Variants in BICRA observed in about 807,000 individuals in gnomAD.
The protein encoded by BICRA is BRD4-interacting chromatin-remodeling complex-associated protein.
BICRA carries 31 observed loss-of-function variants against 96.9 expected under a neutral mutation model. The ratio of observed to expected loss-of-function variants is 0.32; its 90% CI spans 0.24 to 0.43. The LOEUF (loss-of-function observed/expected upper bound fraction) is 0.43, where lower values mean the gene tolerates loss of function less well. Ranked by LOEUF, BICRA falls within the 20% of genes least tolerant of loss-of-function variation. The pLI, the probability that BICRA is intolerant of heterozygous loss-of-function variation, is 1.00. For missense variants in BICRA, 2,283 were observed against 2,190.3 expected (o/e 1.04, Z -0.84); for synonymous variants, 1,350 against 1,071.8 (o/e 1.26, Z -5.07).
rs1433149793 is a variant in BICRA at position 47,680,959 on chromosome 19, A to G, written c.1789A>G (p.Asn597Asp). 3.4e-6 allele frequency: 5 copies of G among 1,477,806 alleles called. No individual in the cohort carries two copies. The highest frequency in any genetic ancestry group is 4.4e-6 in the Non-Finnish European group (5 of 1,124,118). The allele number at this position is 1,477,806 out of a possible 1,614,324, so 91.5% of individuals were successfully genotyped here. A position where few individuals can be genotyped will look rare whatever the true frequency, so the allele number is the denominator to read the frequency against. Residue 597 changes from asparagine to aspartate, a missense_variant, in exon 6 of 15, where the codon AAC becomes GAC. Asn to Asp is a conservative substitution (Grantham distance 23). Transcript: ENST00000594866. The stretch of plus-strand genomic sequence containing the variant: ...GCCCCCCAGCGCCGTGGCCATGCTC[A>G]ACACCCCCGACGGCCTGGTGCAGCC... Reference protein sequence around the residue: ...TLPPSAVAMLNTPDGLVQPAT... With the variant: ...TLPPSAVAMLDTPDGLVQPAT...
At chr19:47,634,584 G>A (rs541333552) in intron 1 of BICRA, among the ~76,000 whole-genome samples, 48 of 152,042 alleles carry the variant, frequency 3.2e-4, no homozygotes, top group African/African-American at 1.1e-3. Flanking sequence ...CCATGCTCCT[G>A]ATACGGTTCT....
intron 5 of BICRA, among the ~76,000 whole-genome samples, chr19:47,678,018 CAG>C (rs1407383670): frequency 2.6e-5 from 4 of 152,240 alleles, no homozygotes; most frequent in African/African-American, 9.6e-5. Context: ...GCTATGAAAA[CAG>C]TCTCAGTTCT....
rs757965549 is a variant in BICRA, at chr19:47,696,486, C to G, written c.3222C>G (p.Pro1074=). The change falls in exon 11 of 15, where the codon CCC becomes CCG. Residue 1074 remains proline, a synonymous_variant. Transcript: ENST00000594866. ...ESKLSGLKKP[P]TLQPSKEACF... ...AACTGAGTGGCCTGAAGAAGCCCCC[C>G]ACGCTTCAGCCCAGCAAGGAAGCCT... is the stretch of plus-strand genomic sequence containing the variant. The G allele has an allele frequency of 6.2e-6, 10 of 1,604,716 alleles. No individual in the cohort carries two copies. Among genetic ancestry groups the G allele is most frequent in the East Asian group, 2.2e-5 (1 of 44,468 alleles).
intron 2 of BICRA, among the ~76,000 whole-genome samples, chr19:47,671,098 C>G (rs1972855593): frequency 6.6e-6 from 1 of 152,140 alleles, no homozygotes. Context: ...CATTTCTTAC[C>G]CACATGCATG....
In BICRA at chr19:47,655,381, C is replaced by T. The variant is rs547634381; in HGVS notation, c.-107-15062C>T. ...GGTCTACTAAAAATACAAAATTAGCCGGGCGTGGTGGTGCATGCCTTTAGT... is the reference window on the plus strand; with the variant it reads ...GGTCTACTAAAAATACAAAATTAGCTGGGCGTGGTGGTGCATGCCTTTAGT... On this transcript the variant is annotated intron_variant, in intron 1 of 14. Coordinates refer to ENST00000594866, the MANE Select transcript of BICRA (RefSeq NM_001394372.1). 2.0e-5 allele frequency among the ~76,000 whole-genome samples: 3 copies of T among 149,130 alleles called. No homozygotes were observed. In the East Asian group the frequency reaches 6.0e-4, roughly 30 times the overall value.
intron 1 of BICRA, among the ~76,000 whole-genome samples, chr19:47,660,258 C>T (rs1238317015): frequency 2.0e-5 from 3 of 152,100 alleles, no homozygotes; most frequent in Admixed American, 6.5e-5. Context: ...AGCCACGTGA[C>T]ATTAAGCTTT....
rs1973499561 is a variant in BICRA, at chr19:47,703,159, G to A, written c.*744G>A. On this transcript the variant is annotated 3_prime_UTR_variant, in exon 15 of 15. Coordinates refer to ENST00000594866, the MANE Select transcript of BICRA (RefSeq NM_001394372.1). ...TTTTGAAATCTCGGAGACAAAACTA[G>A]TACTGTAAGATAAATTTTTTTGTAC... The A allele has an allele frequency of 6.6e-6, 1 of 152,664 alleles. No homozygotes were observed. Among genetic ancestry groups the A allele is most frequent in the African/African-American group, 2.4e-5 (1 of 41,436 alleles). 9.5% of individuals were successfully genotyped at this position (152,664 alleles called of 1,614,324 possible). A position where few individuals can be genotyped will look rare whatever the true frequency, so the allele number is the denominator to read the frequency against.
intron 9 of BICRA, 23 bp from the exon 10 acceptor site, chr19:47,695,342 T>TCCCGC: frequency 4.8e-6 from 3 of 630,196 alleles, no homozygotes; most frequent in South Asian, 3.9e-5. Context: ...AGGCCCTGTC[T>TCCCGC]CCCCCACCCC....
intron 1 of BICRA, among the ~76,000 whole-genome samples, chr19:47,648,843 C>T (rs1423443550): frequency 2.0e-5 from 3 of 150,492 alleles, no homozygotes; most frequent in East Asian, 2.0e-4. Flanking sequence ...TGCACCACCA[C>T]GCTGGGCTAT....
At chr19:47,638,553 G>T (rs562883610) in intron 1 of BICRA, among the ~76,000 whole-genome samples, 1 of 152,164 alleles carries the variant, frequency 6.6e-6, no homozygotes, top group African/African-American at 2.4e-5. Flanking sequence ...TCAAAGAGAT[G>T]TTCTGTGCAT....
intron 1 of BICRA, among the ~76,000 whole-genome samples, chr19:47,659,058 G>A (rs750803537): frequency 6.6e-6 from 1 of 152,160 alleles, no homozygotes; most frequent in Non-Finnish European, 1.5e-5. Context: ...TGAGATACCT[G>A]GTTTTCTTGG....
At position 47,698,584 on chromosome 19, in the gene BICRA, C is replaced by CCA; in HGVS notation, c.3249-50_3249-49insCA. 1.3e-6 allele frequency: 1 copy of CCA among 785,680 alleles called. No individual in the cohort carries two copies. Among genetic ancestry groups the CCA allele is most frequent in the Non-Finnish European group, 2.3e-6 (1 of 442,440 alleles). 48.7% of individuals were successfully genotyped at this position (785,680 alleles called of 1,614,324 possible). A position where few individuals can be genotyped will look rare whatever the true frequency, so the allele number is the denominator to read the frequency against. On this transcript the variant is annotated intron_variant, in intron 11 of 14. Transcript: ENST00000594866. The surrounding 1 kb of genome is among the most constrained non-coding windows in gnomAD (Gnocchi z 4.8). ...TCAGGGACTTCCCCTGGCCCTCACC[C>CCA]GTCCCCCCCACCCTCCGCCGTGTGT... is the stretch of plus-strand genomic sequence containing the variant.
rs1051258777 is a variant in BICRA, at chr19:47,676,297, C to A, written c.150+381C>A. Among the ~76,000 whole-genome samples, 131 of 152,180 alleles carry A rather than the reference C, an allele frequency of 8.6e-4. 1 individual carries two copies. The highest frequency in any genetic ancestry group is 3.1e-3 in the African/African-American group (128 of 41,506). On this transcript the variant is annotated intron_variant, in intron 5 of 14. Transcript: ENST00000594866. ...GGCTGGGGGAGGCCTGGGGTCCTGC[C>A]CAACTCAGCCATGGCAGGGTGTGAC...
At chr19:47,661,246 A>G (rs1321722578) in intron 1 of BICRA, among the ~76,000 whole-genome samples, 1 of 148,200 alleles carries the variant, frequency 6.7e-6, no homozygotes, top group Non-Finnish European at 1.5e-5. Context: ...GTACTTAGTA[A>G]GCATTCAGCA....
At chr19:47,621,118 C>G (rs930252344) in intron 1 of BICRA, among the ~76,000 whole-genome samples, 1 of 152,084 alleles carries the variant, frequency 6.6e-6, no homozygotes. Flanking sequence ...GCGGGGAAAC[C>G]GAGGCTCCAT....
intron 1 of BICRA, among the ~76,000 whole-genome samples, chr19:47,641,729 GA>G (rs1318619938): frequency 6.6e-6 from 1 of 152,026 alleles, no homozygotes; most frequent in African/African-American, 2.4e-5. Flanking sequence ...CTATTCCTGT[GA>G]ACAATGCCAT....
chr19:47,633,209 A>G (rs1444394171), intron 1 of BICRA, among the ~76,000 whole-genome samples: 1 of 149,714 alleles, frequency 6.7e-6, no homozygotes. Context: ...GCCTCCAAGT[A>G]GCTGGGATTA....
At chr19:47,632,774 G>GGCACAGGC (rs1905247319) in intron 1 of BICRA, among the ~76,000 whole-genome samples, 1 of 152,148 alleles carries the variant, frequency 6.6e-6, no homozygotes, top group Non-Finnish European at 1.5e-5. Flanking sequence ...ACCACCTTCA[G>GGCACAGGC]GCACAGGCCC....
chr19:47,608,774 C>A (rs1362442996), upstream of BICRA, among the ~76,000 whole-genome samples: 2 of 151,384 alleles, frequency 1.3e-5, no homozygotes, highest in Non-Finnish European at 3.0e-5. Flanking sequence ...GGGGCCGGGG[C>A]TGGTCCGCCC....
Sources: allele counts gnomAD v4.1 joint callset (sites outside exome capture counted in the v4.1 genomes callset), GRCh38; gene constraint gnomAD v4.1.1; non-coding constraint Gnocchi (gnomAD v3.1); transcripts MANE v1.5; gene names NCBI Gene and HGNC (gene_info 2026-07-23, HGNC 2026-07-21).